LRRC58: variants seen among roughly 807,000 people sequenced by gnomAD.
LRRC58 encodes leucine-rich repeat-containing protein 58.
A neutral mutation model predicts 30.6 loss-of-function variants in LRRC58; 18 were observed. The observed-to-expected ratio is 0.59, with a 90% CI of 0.41 to 0.87. LRRC58 has a LOEUF of 0.87. Among genes scored for constraint, LRRC58 ranks in the 40% least tolerant of loss-of-function variants. The pLI is 0.00. For missense variants in LRRC58, 420 were observed against 468.4 expected, an observed-to-expected ratio of 0.90 and a Z score of 0.95; for synonymous variants, 221 against 206.0, an observed-to-expected ratio of 1.07 and a Z score of -0.62.
At chr3:120,331,967 C>T (rs575289287) in intron 3 of LRRC58, among the ~76,000 whole-genome samples, 37 of 152,308 alleles carry the variant, frequency 2.4e-4, no homozygotes, top group African/African-American at 8.9e-4. Context: ...CACTGATGAT[C>T]TCACTTGATT....
At position 120,342,035 on chromosome 3, in the gene LRRC58, CA is replaced by C. The variant is rs565318424; in HGVS notation, c.501-6083del. 9.8e-4 allele frequency among the ~76,000 whole-genome samples: 149 copies of C among 152,176 alleles called. No homozygotes were observed. The Middle Eastern group carries it at 0.014, about 14-fold the overall frequency. ...TTGGGGGCCCCAGGAAGGATCCCCC[CA>C]ACAATCCCTGCAGGCTCGAGGGTGT... On this transcript the variant is annotated intron_variant, in intron 1 of 3. Coordinates refer to ENST00000295628, the MANE Select transcript of LRRC58 (RefSeq NM_001099678.2).
At chr3:120,348,643 G>T (rs1430001902) in intron 1 of LRRC58, 101 bp downstream of exon 1, 5 of 1,342,552 alleles carry the variant, frequency 3.7e-6, no homozygotes, top group South Asian at 3.2e-5. Context: ...AGAAAGCTTG[G>T]AAATAGTTAC....
At chr3:120,341,481 A>G (rs1935903679) in intron 1 of LRRC58, among the ~76,000 whole-genome samples, 1 of 152,114 alleles carries the variant, frequency 6.6e-6, no homozygotes, top group Admixed American at 6.5e-5. Flanking sequence ...TATCCTTTCT[A>G]TTTGCTTAGG....
chr3:120,330,846 C>T lies in LRRC58; in HGVS notation c.*354G>A. ...CTGGCAATTATAGCTTTGATAATTTCTCACTTTCTCCATCTCAATGTCCAA... is the reference window on the plus strand; with the variant it reads ...CTGGCAATTATAGCTTTGATAATTTTTCACTTTCTCCATCTCAATGTCCAA... On this transcript the variant is annotated 3_prime_UTR_variant, in exon 4 of 4. Transcript: ENST00000295628. The T allele has an allele frequency of 3.4e-6, 1 of 291,562 alleles. No individual in the cohort carries two copies. Among genetic ancestry groups the T allele is most frequent in the Middle Eastern group, 1.2e-3 (1 of 830 alleles). The allele number at this position is 291,562 out of a possible 1,614,324, so 18.1% of individuals were successfully genotyped here.
intron 1 of LRRC58, among the ~76,000 whole-genome samples, chr3:120,347,364 T>C (rs1238677163): frequency 1.3e-4 from 20 of 148,616 alleles, no homozygotes; most frequent in African/African-American, 3.8e-4. Context: ...AGTTCTTTTT[T>C]CCCAGGCCAA....
chr3:120,349,087 G>C lies in LRRC58; in HGVS notation c.157C>G (p.His53Asp), dbSNP rs1320906375. 21 of 1,515,018 alleles carry C rather than the reference G, an allele frequency of 1.4e-5. No individual in the cohort carries two copies. The highest frequency in any genetic ancestry group is 1.6e-5 in the Non-Finnish European group (18 of 1,140,224). The allele number at this position is 1,515,018 out of a possible 1,614,324, so 93.8% of individuals were successfully genotyped here. Reference sequence around the variant, plus strand: ...CGTGGCAGCGACACCAGACGGTTGTGAGGCAGCAGCAGCCGCAGCAGCGCC... The same window carrying C: ...CGTGGCAGCGACACCAGACGGTTGTCAGGCAGCAGCAGCCGCAGCAGCGCC... ...REALLRLLLP[H>D]NRLVSLPRAL... Residue 53 changes from histidine to aspartate, a missense_variant, in exon 1 of 4, where the codon CAC (histidine) becomes GAC (aspartate). Transcript: ENST00000295628.
rs551511483 is a variant in LRRC58, at chr3:120,328,779, A to G, written c.*2421T>C. On this transcript the variant is annotated 3_prime_UTR_variant, in exon 4 of 4. Transcript: ENST00000295628. The stretch of plus-strand genomic sequence containing the variant: ...CTTAGAAATTATTAGCTGCTCTTAC[A>G]AAAGTTTAGGTCAAAGATTTAAGAA... 3.9e-5 allele frequency: 6 copies of G among 152,332 alleles called. No homozygotes were observed. Among genetic ancestry groups the G allele is most frequent in the South Asian group, 4.1e-4 (2 of 4,828 alleles). 9.4% of individuals were successfully genotyped at this position (152,332 alleles called of 1,614,324 possible).
chr3:120,349,038 T>TG lies in LRRC58; in HGVS notation c.205dup (p.His69ProfsTer93), dbSNP rs749822036. On this transcript the variant is annotated frameshift_variant, in exon 1 of 4. Transcript: ENST00000295628. LOFTEE classifies it high-confidence loss of function. ...GCCGCTCACGTCCAGCAGCTGGAGG[T>TG]GCGGGAAGCCGCTGCCCAGCGCCCG... 6 of 1,517,806 alleles carry TG rather than the reference T, an allele frequency of 4.0e-6. No homozygotes were observed. 94.0% of individuals were successfully genotyped at this position (1,517,806 alleles called of 1,614,324 possible). A position where few individuals can be genotyped will look rare whatever the true frequency, so the allele number is the denominator to read the frequency against.
chr3:120,326,086 G>C lies in LRRC58; in HGVS notation c.*5114C>G, dbSNP rs1317690173. ...TTTGGGTCTAGAGTAGAGGATTTAA[G>C]GCACATACTTCCTGACCACAACTGA... On this transcript the variant is annotated 3_prime_UTR_variant, in exon 4 of 4. Transcript: ENST00000295628. 6.6e-6 allele frequency: 1 copy of C among 152,124 alleles called. No homozygotes were observed. Among genetic ancestry groups the C allele is most frequent in the Non-Finnish European group, 1.5e-5 (1 of 68,020 alleles). The allele number at this position is 152,124 out of a possible 1,614,324, so 9.4% of individuals were successfully genotyped here.
In LRRC58 at chr3:120,325,795, T is replaced by A. The variant is rs550062632; in HGVS notation, c.*5405A>T. ...GTTAGAAACTGCTGTCATTCTTTGG[T>A]GGCACCAGATAAATTTTTTAAATAA... On this transcript the variant is annotated 3_prime_UTR_variant, in exon 4 of 4. Coordinates refer to ENST00000295628, the MANE Select transcript of LRRC58 (RefSeq NM_001099678.2). 1 of 152,342 alleles carries A rather than the reference T, an allele frequency of 6.6e-6. No homozygotes were observed. The highest frequency in any genetic ancestry group is 6.5e-5 in the Admixed American group (1 of 15,306). 9.4% of individuals were successfully genotyped at this position (152,342 alleles called of 1,614,324 possible).
At chr3:120,345,948 A>T (rs1192645954) in intron 1 of LRRC58, among the ~76,000 whole-genome samples, 1 of 152,174 alleles carries the variant, frequency 6.6e-6, no homozygotes, top group Non-Finnish European at 1.5e-5. Context: ...TCACAAATCC[A>T]ACAGTACAGA....
In LRRC58 at chr3:120,328,363, G is replaced by A. The variant is rs1935710056; in HGVS notation, c.*2837C>T. On this transcript the variant is annotated 3_prime_UTR_variant, in exon 4 of 4. Transcript: ENST00000295628. The stretch of plus-strand genomic sequence containing the variant: ...TCTAGGGATAAAGACTACTAAGAAT[G>A]CACAATGTACTAATTCCAATTTCAA... 1 of 152,122 alleles carries A rather than the reference G, an allele frequency of 6.6e-6. No homozygotes were observed. Among genetic ancestry groups the A allele is most frequent in the Non-Finnish European group, 1.5e-5 (1 of 68,012 alleles). 9.4% of individuals were successfully genotyped at this position (152,122 alleles called of 1,614,324 possible). A position where few individuals can be genotyped will look rare whatever the true frequency, so the allele number is the denominator to read the frequency against.
Position 120,331,292 on chromosome 3 carries a change from C to A in LRRC58, c.1024G>T (p.Ala342Ser). Residue 342 changes from alanine to serine, a missense_variant, in exon 4 of 4, where the codon GCC becomes TCC. Around this residue, in one of 2 missense-constraint regions of LRRC58, gnomAD observed 154 missense variants for 216.8 expected, o/e 0.71. Coordinates refer to ENST00000295628, the MANE Select transcript of LRRC58 (RefSeq NM_001099678.2). ...SPECSSPCSSASHSSTSQSES... is the reference protein window; with the variant it reads ...SPECSSPCSSSSHSSTSQSES... ...CTCTGGGAAGTGGAGCTGTGAGAGG[C>A]AGAACTGCAAGGGGAAGAACATTCT... is the stretch of plus-strand genomic sequence containing the variant. 1 of 1,613,944 alleles carries A rather than the reference C, an allele frequency of 6.2e-7. No individual in the cohort carries two copies. Among genetic ancestry groups the A allele is most frequent in the South Asian group, 1.1e-5 (1 of 91,082 alleles).
chr3:120,332,994 CT>C (rs1161334089), intron 3 of LRRC58, among the ~76,000 whole-genome samples: 1 of 150,146 alleles, frequency 6.7e-6, no homozygotes, highest in Non-Finnish European at 1.5e-5. Context: ...AAGAGATCCT[CT>C]TGCCTCGAAT....
chr3:120,337,682 C>G (rs1207082136), intron 1 of LRRC58, among the ~76,000 whole-genome samples: 1 of 152,038 alleles, frequency 6.6e-6, no homozygotes, highest in Non-Finnish European at 1.5e-5. Context: ...GGTGGTTAGT[C>G]TCCTACTATA....
intron 1 of LRRC58, among the ~76,000 whole-genome samples, chr3:120,338,139 G>A (rs1020946929): frequency 6.6e-6 from 1 of 152,074 alleles, no homozygotes; most frequent in African/African-American, 2.4e-5. Flanking sequence ...CACGGTGCCT[G>A]GCCTCTATTT....
At chr3:120,340,791 G>A (rs1032039100) in intron 1 of LRRC58, among the ~76,000 whole-genome samples, 2 of 152,140 alleles carry the variant, frequency 1.3e-5, no homozygotes, top group African/African-American at 2.4e-5. Context: ...CAGCTACTCA[G>A]GAGGCTAAGG....
intron 1 of LRRC58, among the ~76,000 whole-genome samples, chr3:120,344,942 C>A (rs9817398): frequency 6.6e-6 from 1 of 151,948 alleles, no homozygotes; most frequent in Non-Finnish European, 1.5e-5. Flanking sequence ...AACAATTACA[C>A]TTATTTGCTG....
chr3:120,330,419 G>T lies in LRRC58; in HGVS notation c.*781C>A, dbSNP rs1057030368. Reference sequence around the variant, plus strand: ...CAGTTATTTACCTAGTTCTGTTAAAGAATATTTTACAATGTTCTGCATGGT... The same window carrying T: ...CAGTTATTTACCTAGTTCTGTTAAATAATATTTTACAATGTTCTGCATGGT... On this transcript the variant is annotated 3_prime_UTR_variant, in exon 4 of 4. Coordinates refer to ENST00000295628, the MANE Select transcript of LRRC58 (RefSeq NM_001099678.2). 6.6e-6 allele frequency: 1 copy of T among 152,124 alleles called. No individual in the cohort carries two copies. The highest frequency in any genetic ancestry group is 1.5e-5 in the Non-Finnish European group (1 of 67,970). The allele number at this position is 152,124 out of a possible 1,614,324, so 9.4% of individuals were successfully genotyped here. A position where few individuals can be genotyped will look rare whatever the true frequency, so the allele number is the denominator to read the frequency against.
Sources: allele counts gnomAD v4.1 joint callset (sites outside exome capture counted in the v4.1 genomes callset), GRCh38; gene constraint gnomAD v4.1.1; regional missense constraint gnomAD v4.1.1; transcripts MANE v1.5; gene names NCBI Gene and HGNC (gene_info 2026-07-23, HGNC 2026-07-21).